Variants in PRC1 observed in about 807,000 individuals in gnomAD.
The protein encoded by PRC1 is anaphase spindle elongation 1 homolog.
A neutral mutation model predicts 91.2 loss-of-function variants in PRC1; 54 were observed. That is an observed-to-expected ratio of 0.59 (90% CI 0.48 to 0.74). PRC1 has a LOEUF of 0.74. Ranked by LOEUF, PRC1 falls within the 30% of genes least tolerant of loss-of-function variation. PRC1 has a pLI of 0.00. For missense variants in PRC1, 727 were observed against 746.2 expected (o/e 0.97, Z 0.30); for synonymous variants, 275 against 263.6 (o/e 1.04, Z -0.42).
At position 90,974,760 on chromosome 15, in the gene PRC1, T is replaced by C. The variant is rs1433948865; in HGVS notation, c.1204-29A>G. On this transcript the variant is annotated intron_variant, in intron 9 of 14. Transcript: ENST00000394249. This position sits in a 1 kb window ranked among gnomAD's most constrained non-coding sequence, Gnocchi z 4.6. ...AGACCAGAAACAAGGACATGTTAAT[T>C]ACTTCAACTCTTTAGTGCAAAGCCC... is the stretch of plus-strand genomic sequence containing the variant. The C allele has an allele frequency of 2.5e-6, 4 of 1,613,314 alleles. No individual in the cohort carries two copies. Among genetic ancestry groups the C allele is most frequent in the Non-Finnish European group, 3.4e-6 (4 of 1,179,456 alleles).
At position 90,966,085 on chromosome 15, in the gene PRC1, ATTGT is replaced by A; in HGVS notation, c.*1042_*1045del. The A allele has an allele frequency of 6.6e-6, 1 of 152,288 alleles. No homozygotes were observed. The highest frequency in any genetic ancestry group is 1.5e-5 in the Non-Finnish European group (1 of 68,102). The allele number at this position is 152,288 out of a possible 1,614,324, so 9.4% of individuals were successfully genotyped here. A position where few individuals can be genotyped will look rare whatever the true frequency, so the allele number is the denominator to read the frequency against. ...AGATTTTAATTTATTTTTAAGAATA[ATTGT>A]ATATTTTAAAAACAGGACACGTACT... On this transcript the variant is annotated 3_prime_UTR_variant, in exon 15 of 15. Coordinates refer to ENST00000394249, the MANE Select transcript of PRC1 (RefSeq NM_003981.4).
rs562043094 is a variant in PRC1 at position 90,984,494 on chromosome 15, G to C, written c.144+199C>G. ...TCCATGCGCCTCGGCCTCCCAAAGT[G>C]CTGGGATTACAGGCATGAGCCACCG... On this transcript the variant is annotated intron_variant, in intron 2 of 14. Transcript: ENST00000394249. This position sits in a 1 kb window ranked among gnomAD's most constrained non-coding sequence, Gnocchi z 5.1. Among the ~76,000 whole-genome samples the C allele has an allele frequency of 2.0e-5, 3 of 152,268 alleles. No homozygotes were observed. The South Asian group carries it at 6.2e-4, about 32-fold the overall frequency.
chr15:90,994,317 C>A (rs560308488), intron 1 of PRC1, 90 bp downstream of exon 1: 2 of 1,592,890 alleles, frequency 1.3e-6, no homozygotes, highest in East Asian at 2.3e-5. Context: ...GCCCGGGACC[C>A]CGCACGGGTC....
At position 90,969,533 on chromosome 15, in the gene PRC1, T is replaced by C. The variant is rs1204967382; in HGVS notation, c.1663A>G (p.Ile555Val). The C allele has an allele frequency of 4.3e-6, 7 of 1,613,854 alleles. No homozygotes were observed. Among genetic ancestry groups the C allele is most frequent in the Non-Finnish European group, 3.4e-6 (4 of 1,179,802 alleles). ...NKENLELNGSILSGGYPGSAP... is the reference protein window; with the variant it reads ...NKENLELNGSVLSGGYPGSAP... ...GAGCCAGGGTACCCACCACTCAGGA[T>C]GCTGCCGTTGAGCTCCAGGTTCTCC... The change falls in exon 13 of 15, where the codon ATC (isoleucine) becomes GTC (valine). Residue 555 changes from isoleucine (I) to valine (V), a missense_variant. Ile to Val is a conservative substitution (Grantham distance 29). Transcript: ENST00000394249.
chr15:90,993,774 G>A (rs1186982085), intron 1 of PRC1, among the ~76,000 whole-genome samples: 4 of 152,090 alleles, frequency 2.6e-5, no homozygotes, highest in African/African-American at 7.2e-5. Flanking sequence ...CGTTAACACC[G>A]CTGGCCAGAT....
intron 3 of PRC1, among the ~76,000 whole-genome samples, chr15:90,983,262 G>A (rs2039346347): frequency 6.6e-6 from 1 of 152,118 alleles, no homozygotes; most frequent in Non-Finnish European, 1.5e-5. Context: ...AGATATCCAG[G>A]CAGGTCTTCC....
In PRC1 at chr15:90,966,611, A is replaced by T; in HGVS notation, c.*520T>A. The T allele has an allele frequency of 2.2e-6, 1 of 456,102 alleles. No homozygotes were observed. Among genetic ancestry groups the T allele is most frequent in the Non-Finnish European group, 4.4e-6 (1 of 226,814 alleles). The allele number at this position is 456,102 out of a possible 1,614,324, so 28.3% of individuals were successfully genotyped here. A position where few individuals can be genotyped will look rare whatever the true frequency, so the allele number is the denominator to read the frequency against. The stretch of plus-strand genomic sequence containing the variant: ...TTTGGCAGTAGGGCAGGCCATCTCA[A>T]CTTCGGACACACAAAGACATTCTCT... On this transcript the variant is annotated 3_prime_UTR_variant, in exon 15 of 15. Coordinates refer to ENST00000394249, the MANE Select transcript of PRC1 (RefSeq NM_003981.4).
In PRC1 at chr15:90,967,317, C is replaced by CCCTAG; in HGVS notation, c.1792-120_1792-116dup. ...CCCTTGAAGGTAGTTTCTCTGAGATCCCTAGCCTGCAATAGGCTGCGTTAG... is the reference window on the plus strand; with the variant it reads ...CCCTTGAAGGTAGTTTCTCTGAGATCCCTAGCCTAGCCTGCAATAGGCTGCGTTAG... On this transcript the variant is annotated intron_variant, in intron 14 of 14. Transcript: ENST00000394249. 3 of 807,568 alleles carry CCCTAG rather than the reference C, an allele frequency of 3.7e-6. No individual in the cohort carries two copies. The South Asian group carries it at 4.5e-5, about 12-fold the overall frequency. The allele number at this position is 807,568 out of a possible 1,614,324, so 50.0% of individuals were successfully genotyped here.
Position 90,981,500 on chromosome 15 carries a change from T to C in PRC1, c.671A>G (p.Gln224Arg). The C allele has an allele frequency of 6.2e-7, 1 of 1,613,828 alleles. No individual in the cohort carries two copies. Among genetic ancestry groups the C allele is most frequent in the East Asian group, 2.2e-5 (1 of 44,880 alleles). Residue 224 changes from glutamine to arginine, a missense_variant and splice_region_variant, in exon 5 of 15, where the codon CAG becomes CGG. Physicochemically the swap from Gln to Arg is conservative, Grantham distance 43. Transcript: ENST00000394249. ...GGGCATAATTTGAGAAGACAGTACC[T>C]GCCGTAGCAACTTTTGTAGTGTTGC... ...NIATLQKLLR[Q>R]LEMQKSQNEA... is the part of the protein sequence containing the mutation.
Position 90,980,295 on chromosome 15 carries a change from T to TCCCA in PRC1, c.913_916dup (p.Asp306ValfsTer7). On this transcript the variant is annotated frameshift_variant, in exon 7 of 15. Transcript: ENST00000394249. LOFTEE classifies it high-confidence loss of function. ...CTGCTCCTGGCTATAAAAGCACTGGTCCCAGTACTGAACCAGCTCCACTCG... is the reference window on the plus strand; with the variant it reads ...CTGCTCCTGGCTATAAAAGCACTGGTCCCACCCAGTACTGAACCAGCTCCACTCG... The TCCCA allele has an allele frequency of 6.2e-7, 1 of 1,614,112 alleles. No homozygotes were observed. Among genetic ancestry groups the TCCCA allele is most frequent in the Non-Finnish European group, 8.5e-7 (1 of 1,180,014 alleles).
In PRC1 at chr15:90,984,670, G is replaced by C. The variant is rs760685515; in HGVS notation, c.144+23C>G. On this transcript the variant is annotated intron_variant, in intron 2 of 14. Coordinates refer to ENST00000394249, the MANE Select transcript of PRC1 (RefSeq NM_003981.4). The surrounding 1 kb of genome is among the most constrained non-coding windows in gnomAD (Gnocchi z 5.1). Reference sequence around the variant, plus strand: ...AACATCCTTACCCTGGTCCAATGCAGAGACCAGTACTATTCAACCCACCTT... The same window carrying C: ...AACATCCTTACCCTGGTCCAATGCACAGACCAGTACTATTCAACCCACCTT... 6.2e-7 allele frequency: 1 copy of C among 1,613,286 alleles called. No individual in the cohort carries two copies. The highest frequency in any genetic ancestry group is 1.1e-5 in the South Asian group (1 of 90,940).
chr15:90,968,768 C>G, intron 14 of PRC1: 1 of 1,189,390 alleles, frequency 8.4e-7, no homozygotes, highest in Non-Finnish European at 1.1e-6. Context: ...GATTGGGGGC[C>G]TCTATTCTTT....
At chr15:90,980,747 T>G (rs1247303736) in intron 6 of PRC1, 137 bp downstream of exon 6, 1 of 1,213,424 alleles carries the variant, frequency 8.2e-7, no homozygotes, top group African/African-American at 1.5e-5. Context: ...CTCAAATGAT[T>G]CACCTGCCTC....
In PRC1 at chr15:90,980,322, A is replaced by G. The variant is rs1314397735; in HGVS notation, c.890T>C (p.Ile297Thr). The stretch of plus-strand genomic sequence containing the variant: ...CCAGTACTGAACCAGCTCCACTCGA[A>G]TTGCCTCAATCACTTTCTTCATGTT... ...MQNMKKVIEA[I>T]RVELVQYWDQ... The change falls in exon 7 of 15, where the codon ATT becomes ACT. Residue 297 changes from isoleucine to threonine, a missense_variant. By Grantham distance (89) the Ile-to-Thr change is moderately conservative. Coordinates refer to ENST00000394249, the MANE Select transcript of PRC1 (RefSeq NM_003981.4). The G allele has an allele frequency of 6.2e-7, 1 of 1,614,128 alleles. No individual in the cohort carries two copies. Among genetic ancestry groups the G allele is most frequent in the Non-Finnish European group, 8.5e-7 (1 of 1,180,014 alleles).
At chr15:90,969,361 T>G in intron 13 of PRC1, 86 bp downstream of exon 13, 1 of 1,472,368 alleles carries the variant, frequency 6.8e-7, no homozygotes, top group Admixed American at 2.0e-5. Flanking sequence ...CCCTAGCTAA[T>G]AGCCTGGGTG....
rs1271193118 is a variant in PRC1 at position 90,984,184 on chromosome 15, A to G, written c.145-44T>C. The G allele has an allele frequency of 2.5e-6, 4 of 1,603,344 alleles. No homozygotes were observed. The highest frequency in any genetic ancestry group is 3.4e-6 in the Non-Finnish European group (4 of 1,174,176). ...TCCATAAGTTTGGGGCAATGGAGGA[A>G]AAAAACTCCCAACACCAATACCAAA... On this transcript the variant is annotated intron_variant, in intron 2 of 14. Coordinates refer to ENST00000394249, the MANE Select transcript of PRC1 (RefSeq NM_003981.4). This position sits in a 1 kb window ranked among gnomAD's most constrained non-coding sequence, Gnocchi z 5.1.
rs1372437001 is a variant in PRC1 at position 90,970,463 on chromosome 15, T to A, written c.1513A>T (p.Ile505Phe). The A allele has an allele frequency of 6.2e-7, 1 of 1,613,796 alleles. No individual in the cohort carries two copies. The highest frequency in any genetic ancestry group is 1.3e-5 in the African/African-American group (1 of 74,882). Residue 505 changes from isoleucine (I) to phenylalanine (F), a missense_variant, in exon 12 of 15, where the codon ATC becomes TTC. Transcript: ENST00000394249. Reference sequence around the variant, plus strand: ...GAGTGGTAGACTGTCCCTCCAAAGATAGGCCGAATGCTACTATTGGCCGTA... The same window carrying A: ...GAGTGGTAGACTGTCCCTCCAAAGAAAGGCCGAATGCTACTATTGGCCGTA... The part of the protein sequence containing the change: ...NATANSSIRP[I>F]FGGTVYHSPV...
At chr15:90,977,576 GTTTTT>G (rs777558725) in intron 8 of PRC1, among the ~76,000 whole-genome samples, 2 of 95,478 alleles carry the variant, frequency 2.1e-5, no homozygotes, top group South Asian at 3.7e-4. Context: ...CCTTATTTAC[GTTTTT>G]TTTTTTTTTT....
At position 90,970,312 on chromosome 15, in the gene PRC1, G is replaced by A. The variant is rs920881677; in HGVS notation, c.1572+92C>T. On this transcript the variant is annotated intron_variant, in intron 12 of 14. Transcript: ENST00000394249. ...GCATCTCAATAAGAACCAAATCCAG[G>A]GATCTTAGAATCTAGAACAAGTAGG... 5.4e-6 allele frequency: 5 copies of A among 929,194 alleles called. No individual in the cohort carries two copies. In the African/African-American group the frequency reaches 6.5e-5, roughly 12 times the overall value. The allele number at this position is 929,194 out of a possible 1,614,324, so 57.6% of individuals were successfully genotyped here.
Sources: allele counts gnomAD v4.1 joint callset (sites outside exome capture counted in the v4.1 genomes callset), GRCh38; gene constraint gnomAD v4.1.1; non-coding constraint Gnocchi (gnomAD v3.1); transcripts MANE v1.5; gene names NCBI Gene and HGNC (gene_info 2026-07-23, HGNC 2026-07-21).